Variants in PKP4 observed in about 807,000 individuals in gnomAD.
PKP4 encodes plakophilin-4.
PKP4 carries 90 observed loss-of-function variants against 145.1 expected under a neutral mutation model. The ratio of observed to expected loss-of-function variants is 0.62; its 90% confidence interval spans 0.52 to 0.74. The LOEUF (loss-of-function observed/expected upper bound fraction) is 0.74, where lower values mean the gene tolerates loss of function less well. Among genes scored for constraint, PKP4 ranks in the 30% least tolerant of loss-of-function variants. The pLI is 0.00. For missense variants in PKP4, 1,340 were observed against 1,482.7 expected (o/e 0.90, Z 1.58); for synonymous variants, 563 against 577.2 (o/e 0.98, Z 0.35).
At chr2:158,625,511 G>T in intron 7 of PKP4, 84 bp downstream of exon 7, 2 of 1,129,790 alleles carry the variant, frequency 1.8e-6, no homozygotes, top group Non-Finnish European at 2.5e-6. Context: ...ATGAAAAGGT[G>T]GAAAAGGCTC....
At chr2:158,632,847 T>A (rs1196840433) in intron 8 of PKP4, among the ~76,000 whole-genome samples, 1 of 152,206 alleles carries the variant, frequency 6.6e-6, no homozygotes, top group African/African-American at 2.4e-5. Context: ...AAGAAATATT[T>A]CGCTTTTCCT....
chr2:158,491,360 A>G (rs528488114), intron 1 of PKP4, among the ~76,000 whole-genome samples: 4 of 152,296 alleles, frequency 2.6e-5, no homozygotes, highest in Non-Finnish European at 5.9e-5. Context: ...GGCTGCATCC[A>G]TCTATATGTC....
At chr2:158,584,432 A>T (rs2105801407) in intron 3 of PKP4, among the ~76,000 whole-genome samples, 1 of 152,338 alleles carries the variant, frequency 6.6e-6, no homozygotes, top group Middle Eastern at 3.4e-3. Flanking sequence ...ATACTGCAAG[A>T]TAAATTCACC....
At chr2:158,599,897 C>G (rs536640228) in intron 3 of PKP4, among the ~76,000 whole-genome samples, 50 of 152,262 alleles carry the variant, frequency 3.3e-4, no homozygotes, top group African/African-American at 1.1e-3. Context: ...AGGTAATTTT[C>G]TGACTCCTAA....
At chr2:158,507,192 G>T (rs1163547321) in intron 1 of PKP4, among the ~76,000 whole-genome samples, 2 of 151,976 alleles carry the variant, frequency 1.3e-5, no homozygotes, top group Non-Finnish European at 2.9e-5. Flanking sequence ...CAGATATATT[G>T]ATCCATAAAT....
intron 1 of PKP4, among the ~76,000 whole-genome samples, chr2:158,525,729 A>G (rs1007940350): frequency 1.4e-4 from 21 of 145,850 alleles, no homozygotes; most frequent in African/African-American, 5.4e-4. Context: ...AAATTGATAG[A>G]CCGCTAGCAA....
At chr2:158,515,853 C>T (rs1401859911) in intron 1 of PKP4, among the ~76,000 whole-genome samples, 2 of 152,060 alleles carry the variant, frequency 1.3e-5, no homozygotes, top group Non-Finnish European at 2.9e-5. Context: ...CAAGACCAGC[C>T]TGGCTAACAT....
intron 3 of PKP4, among the ~76,000 whole-genome samples, chr2:158,593,534 A>G (rs2049454511): frequency 6.6e-6 from 1 of 152,046 alleles, no homozygotes; most frequent in Non-Finnish European, 1.5e-5. Flanking sequence ...TGACTCTTTT[A>G]TTCATAGATT....
In PKP4 at chr2:158,603,112, T is replaced by G; in HGVS notation, c.280+8T>G. On this transcript the variant is annotated splice_region_variant and intron_variant, in intron 4 of 21. Coordinates refer to ENST00000389759, the MANE Select transcript of PKP4 (RefSeq NM_003628.6). ...TTCCTTGGAGATCAACAGGTATGTTTTTTATTATATAAAAGTTATGTTTGA... is the reference window on the plus strand; with the variant it reads ...TTCCTTGGAGATCAACAGGTATGTTGTTTATTATATAAAAGTTATGTTTGA... 7.0e-7 allele frequency: 1 copy of G among 1,433,796 alleles called. No homozygotes were observed. Among genetic ancestry groups the G allele is most frequent in the South Asian group, 1.3e-5 (1 of 74,326 alleles). 88.8% of individuals were successfully genotyped at this position (1,433,796 alleles called of 1,614,324 possible).
chr2:158,468,566 G>A (rs913622947), intron 1 of PKP4, among the ~76,000 whole-genome samples: 3 of 152,070 alleles, frequency 2.0e-5, no homozygotes, highest in African/African-American at 7.2e-5. Flanking sequence ...TATGATCATA[G>A]GTAATATTCT....
chr2:158,546,243 T>G (rs2045027970), intron 2 of PKP4, among the ~76,000 whole-genome samples: 1 of 152,202 alleles, frequency 6.6e-6, no homozygotes, highest in African/African-American at 2.4e-5. Context: ...TATGTTCTTT[T>G]CCCAATTTAT....
Position 158,557,841 on chromosome 2 carries a change from C to T in PKP4, c.133-19430C>T, listed in dbSNP as rs1271332883. On this transcript the variant is annotated intron_variant, in intron 2 of 21. Coordinates refer to ENST00000389759, the MANE Select transcript of PKP4 (RefSeq NM_003628.6). ...GGATGCTTGGGTTTGAAGAAGGCAG[C>T]TGGTTACAGATTGCTAGAATTTGTG... Among the ~76,000 whole-genome samples the T allele has an allele frequency of 2.6e-5, 4 of 152,134 alleles. No individual in the cohort carries two copies. In the East Asian group the frequency reaches 7.7e-4, roughly 29 times the overall value.
chr2:158,517,078 ATCCCCAT>A (rs1420179748), intron 1 of PKP4, among the ~76,000 whole-genome samples: 6 of 152,122 alleles, frequency 3.9e-5, no homozygotes, highest in African/African-American at 1.4e-4. Context: ...ATATTTCTAA[ATCCCCAT>A]ATGTGCTCTG....
chr2:158,486,170 T>G (rs1485566389), intron 1 of PKP4, among the ~76,000 whole-genome samples: 1 of 152,232 alleles, frequency 6.6e-6, no homozygotes, highest in African/African-American at 2.4e-5. Context: ...TTCTTACTTT[T>G]ATGATAGGCT....
intron 3 of PKP4, among the ~76,000 whole-genome samples, chr2:158,600,175 T>G (rs919229580): frequency 2.0e-5 from 3 of 152,248 alleles, no homozygotes; most frequent in Non-Finnish European, 4.4e-5. Flanking sequence ...GTTCACCATC[T>G]GACTGGACAG....
intron 2 of PKP4, among the ~76,000 whole-genome samples, chr2:158,567,115 G>T (rs3771613): frequency 6.6e-6 from 1 of 151,972 alleles, no homozygotes; most frequent in Non-Finnish European, 1.5e-5. Flanking sequence ...TTCTGGGTTT[G>T]TTGTTGTTGT....
At chr2:158,516,539 G>T (rs954311968) in intron 1 of PKP4, among the ~76,000 whole-genome samples, 8 of 152,052 alleles carry the variant, frequency 5.3e-5, no homozygotes, top group African/African-American at 1.7e-4. Context: ...GAACAGCCCC[G>T]TGTAAATCCC....
At chr2:158,466,691 C>T (rs940089971) in intron 1 of PKP4, among the ~76,000 whole-genome samples, 14 of 152,158 alleles carry the variant, frequency 9.2e-5, no homozygotes, top group Admixed American at 7.2e-4. Context: ...GGTGACAGAG[C>T]GAAACTCCAT....
At position 158,625,027 on chromosome 2, in the gene PKP4, C is replaced by T. The variant is rs151336429; in HGVS notation, c.753C>T (p.Thr251=). ...GTGGATTTGGCTCTCCGTCAGTGACCGACCCCCGACCTCTGAACCCCAGTG... is the reference window on the plus strand; with the variant it reads ...GTGGATTTGGCTCTCCGTCAGTGACTGACCCCCGACCTCTGAACCCCAGTG... ...LGSGFGSPSV[T]DPRPLNPSAY... The change falls in exon 7 of 22, where the codon ACC becomes ACT. Residue 251 remains threonine (T), a synonymous_variant. Transcript: ENST00000389759. 9.2e-5 allele frequency: 149 copies of T among 1,614,168 alleles called. No homozygotes were observed. The African/African-American group carries it at 1.7e-3, about 18-fold the overall frequency.
Sources: gnomAD v4.1 joint callset for allele counts (sites outside exome capture counted in the v4.1 genomes callset) on GRCh38, gnomAD v4.1.1 for gene constraint, MANE v1.5 for transcripts, NCBI Gene and HGNC (gene_info 2026-07-23, HGNC 2026-07-21) for gene names.